CNTNAP2: variants seen among roughly 807,000 people sequenced by gnomAD.
CNTNAP2 encodes contactin-associated protein-like 2.
In CNTNAP2, 98 loss-of-function variants were observed where a neutral mutation model predicts 155.2. That is an observed-to-expected ratio of 0.63 (90% CI 0.54 to 0.75). The LOEUF is 0.75. Ranked by LOEUF, CNTNAP2 falls within the 30% of genes least tolerant of loss-of-function variation. CNTNAP2 has a pLI of 0.00. For synonymous variants in CNTNAP2, 651 were observed against 631.2 expected (o/e 1.03, Z -0.47); for missense variants, 1,727 against 1,688.1 (o/e 1.02, Z -0.40).
intron 8 of CNTNAP2, among the ~76,000 whole-genome samples, chr7:147,194,777 T>C (rs568292557): frequency 6.6e-6 from 1 of 152,328 alleles, no homozygotes; most frequent in East Asian, 1.9e-4. Flanking sequence ...TGTTTGTTTT[T>C]TCTGGTAAAT....
intron 4 of CNTNAP2, among the ~76,000 whole-genome samples, chr7:147,070,437 C>T (rs957026054): frequency 3.3e-5 from 5 of 152,144 alleles, no homozygotes; most frequent in African/African-American, 9.7e-5. Flanking sequence ...GAAGTGTCAT[C>T]GTATTAACCA....
intron 13 of CNTNAP2, among the ~76,000 whole-genome samples, chr7:147,784,413 A>G (rs145140588): frequency 0.013 from 1,433 of 108,348 alleles, 117 homozygotes; most frequent in Admixed American, 0.099. Context: ...TATATGTAAC[A>G]TATAATAACA....
At chr7:147,428,404 C>G (rs1260637933) in intron 10 of CNTNAP2, among the ~76,000 whole-genome samples, 3 of 151,972 alleles carry the variant, frequency 2.0e-5, no homozygotes, top group African/African-American at 4.8e-5. Context: ...GATGAAGGCC[C>G]TCTCTCACAC....
At chr7:146,750,461 T>C (rs1161344363) in intron 1 of CNTNAP2, among the ~76,000 whole-genome samples, 1 of 152,208 alleles carries the variant, frequency 6.6e-6, no homozygotes, top group East Asian at 1.9e-4. Context: ...ACTTGACTCA[T>C]GATTTTGATC....
intron 13 of CNTNAP2, among the ~76,000 whole-genome samples, chr7:147,656,105 A>G (rs1795521618): frequency 6.6e-6 from 1 of 152,180 alleles, no homozygotes; most frequent in African/African-American, 2.4e-5. Context: ...CAGACTTCTC[A>G]CCTTTCTGAG....
intron 13 of CNTNAP2, among the ~76,000 whole-genome samples, chr7:147,729,136 A>G (rs1474271462): frequency 6.6e-6 from 1 of 151,634 alleles, no homozygotes; most frequent in Non-Finnish European, 1.5e-5. Flanking sequence ...AGGTCTCACT[A>G]TGTTGTACAG....
chr7:148,261,192 T>C (rs540682175), intron 20 of CNTNAP2, among the ~76,000 whole-genome samples: 93 of 140,304 alleles, frequency 6.6e-4, no homozygotes, highest in African/African-American at 2.2e-3. Context: ...AGATGGAGTC[T>C]CACTCTCACC....
intron 9 of CNTNAP2, among the ~76,000 whole-genome samples, chr7:147,340,107 T>C (rs1795735265): frequency 6.6e-6 from 1 of 152,168 alleles, no homozygotes; most frequent in Admixed American, 6.5e-5. Flanking sequence ...TGCATTTACA[T>C]AAGAGATAAA....
At chr7:146,157,713 G>C (rs896515526) in intron 1 of CNTNAP2, among the ~76,000 whole-genome samples, 1 of 152,194 alleles carries the variant, frequency 6.6e-6, no homozygotes, top group African/African-American at 2.4e-5. Context: ...GCTGAGGCTT[G>C]AGTAGGTAAA....
At chr7:146,751,228 A>C (rs1009867421) in intron 1 of CNTNAP2, among the ~76,000 whole-genome samples, 1 of 152,166 alleles carries the variant, frequency 6.6e-6, no homozygotes, top group Admixed American at 6.6e-5. Context: ...TGAGTATACA[A>C]ATTTGAGCAT....
chr7:146,351,923 C>T lies in CNTNAP2; in HGVS notation c.97+234950C>T, dbSNP rs988874846. Among the ~76,000 whole-genome samples, 47 of 152,136 alleles carry T rather than the reference C, an allele frequency of 3.1e-4. 1 individual carries two copies. Among genetic ancestry groups the T allele is most frequent in the Non-Finnish European group, 6.2e-4 (42 of 68,028 alleles). On this transcript the variant is annotated intron_variant, in intron 1 of 23. Coordinates refer to ENST00000361727, the MANE Select transcript of CNTNAP2 (RefSeq NM_014141.6). Reference sequence around the variant, plus strand: ...TCTATTGCTCTCTTGAGTTTTAAAACAACATAACGTATTTGGAGGAGTTAA... The same window carrying T: ...TCTATTGCTCTCTTGAGTTTTAAAATAACATAACGTATTTGGAGGAGTTAA...
chr7:147,465,842 C>T (rs954843397), intron 10 of CNTNAP2, among the ~76,000 whole-genome samples: 1 of 152,108 alleles, frequency 6.6e-6, no homozygotes, highest in Non-Finnish European at 1.5e-5. Flanking sequence ...CTATTTTTAC[C>T]TTTCCTTTTT....
intron 1 of CNTNAP2, among the ~76,000 whole-genome samples, chr7:146,614,707 A>G (rs559829578): frequency 1.4e-3 from 208 of 152,310 alleles, no homozygotes; most frequent in African/African-American, 4.8e-3. Flanking sequence ...CAACTACACA[A>G]CTAATGTATA....
intron 4 of CNTNAP2, among the ~76,000 whole-genome samples, chr7:147,045,832 G>A (rs1254529009): frequency 1.3e-5 from 2 of 151,114 alleles, no homozygotes; most frequent in African/African-American, 2.4e-5. Flanking sequence ...ATATATATAG[G>A]TATATATACA....
At chr7:146,756,627 A>G (rs917673966) in intron 1 of CNTNAP2, among the ~76,000 whole-genome samples, 24 of 152,030 alleles carry the variant, frequency 1.6e-4, no homozygotes, top group Non-Finnish European at 5.9e-5. Flanking sequence ...TGATTGAGTT[A>G]TTGTTTCACC....
At chr7:147,000,290 T>C (rs1430982245) in intron 3 of CNTNAP2, among the ~76,000 whole-genome samples, 1 of 152,086 alleles carries the variant, frequency 6.6e-6, no homozygotes, top group African/African-American at 2.4e-5. Context: ...TTTAGCTGTT[T>C]TTCTGTATTT....
intron 10 of CNTNAP2, among the ~76,000 whole-genome samples, chr7:147,469,957 G>T (rs969224443): frequency 2.0e-5 from 3 of 152,178 alleles, no homozygotes; most frequent in African/African-American, 7.2e-5. Flanking sequence ...CAGTCACAAA[G>T]ATCCCATGGC....
chr7:146,769,563 C>T (rs1802257611), intron 1 of CNTNAP2, among the ~76,000 whole-genome samples: 1 of 152,122 alleles, frequency 6.6e-6, no homozygotes, highest in Admixed American at 6.5e-5. Context: ...TTTCATGTTG[C>T]TTGAGGTGTT....
At chr7:147,039,586 T>G (rs1403875758) in intron 3 of CNTNAP2, among the ~76,000 whole-genome samples, 1 of 152,224 alleles carries the variant, frequency 6.6e-6, no homozygotes, top group African/African-American at 2.4e-5. Flanking sequence ...TCATCCAATC[T>G]GGGTTGATTC....
Sources: gnomAD v4.1 joint callset for allele counts (sites outside exome capture counted in the v4.1 genomes callset) on GRCh38, gnomAD v4.1.1 for gene constraint, MANE v1.5 for transcripts, NCBI Gene and HGNC (gene_info 2026-07-23, HGNC 2026-07-21) for gene names.